FGF12: variants seen among roughly 807,000 people sequenced by gnomAD.
FGF12 encodes fibroblast growth factor 12B.
In FGF12, 14 loss-of-function variants were observed where a neutral mutation model predicts 23.6. The ratio of observed to expected loss-of-function variants is 0.59; its 90% CI spans 0.39 to 0.93. The LOEUF is 0.93. Ranked by LOEUF, FGF12 falls within the 40% of genes least tolerant of loss-of-function variation. The probability of loss-of-function intolerance (pLI) is 0.00; values close to 1 mark genes in which losing one functional copy is unlikely to be tolerated. For missense variants in FGF12, 175 were observed against 217.8 expected (o/e 0.80, Z 1.24); for synonymous variants, 62 against 77.3 (o/e 0.80, Z 1.04).
chr3:192,631,228 T>C (rs1174260312), intron 2 of FGF12, among the ~76,000 whole-genome samples: 1 of 152,168 alleles, frequency 6.6e-6, no homozygotes, highest in Non-Finnish European at 1.5e-5. Flanking sequence ...TCCCCTTTCA[T>C]AGAGAAGAGT....
At chr3:192,555,339 G>T (rs2108589235) in intron 2 of FGF12, among the ~76,000 whole-genome samples, 1 of 152,252 alleles carries the variant, frequency 6.6e-6, no homozygotes, top group South Asian at 2.1e-4. Context: ...AAGACTATCA[G>T]TTTAAAGCTA....
intron 4 of FGF12, among the ~76,000 whole-genome samples, chr3:192,256,267 G>A (rs2108612435): frequency 6.6e-6 from 1 of 151,870 alleles, no homozygotes; most frequent in South Asian, 2.1e-4. Flanking sequence ...TCAATAATCT[G>A]ACCAAGTATA....
intron 2 of FGF12, chr3:192,515,272 T>G (rs969269071): frequency 1.3e-5 from 2 of 151,792 alleles, no homozygotes; most frequent in Non-Finnish European, 2.9e-5. Flanking sequence ...CAAGGGCGAC[T>G]CCGGTGTGGG....
intron 2 of FGF12, among the ~76,000 whole-genome samples, chr3:192,483,127 C>T (rs747677619): frequency 2.0e-5 from 3 of 152,160 alleles, no homozygotes; most frequent in Non-Finnish European, 4.4e-5. Flanking sequence ...TTCTCAGCAC[C>T]CCTTATGTTA....
chr3:192,445,621 G>A (rs568864547), intron 2 of FGF12, among the ~76,000 whole-genome samples: 1 of 152,186 alleles, frequency 6.6e-6, no homozygotes, highest in African/African-American at 2.4e-5. Context: ...TCTTCACCTA[G>A]AAATTCTGAA....
At chr3:192,291,218 A>T (rs1200757536) in intron 4 of FGF12, among the ~76,000 whole-genome samples, 1 of 152,186 alleles carries the variant, frequency 6.6e-6, no homozygotes, top group African/African-American at 2.4e-5. Flanking sequence ...TTTATAAAAC[A>T]CTTTTCATTT....
chr3:192,400,469 A>G (rs1720715394), intron 2 of FGF12, among the ~76,000 whole-genome samples: 1 of 151,316 alleles, frequency 6.6e-6, no homozygotes, highest in South Asian at 2.1e-4. Flanking sequence ...CCCGGGTTCA[A>G]ATGATTCTCC....
intron 2 of FGF12, among the ~76,000 whole-genome samples, chr3:192,470,878 G>T (rs925820636): frequency 6.6e-6 from 1 of 152,072 alleles, no homozygotes; most frequent in Non-Finnish European, 1.5e-5. Flanking sequence ...TTGTGCTGCG[G>T]CTGACCCTTC....
At chr3:192,147,657 A>AT (rs58042604) in intron 5 of FGF12, among the ~76,000 whole-genome samples, 4,726 of 152,086 alleles carry the variant, frequency 0.031, 235 homozygotes, top group African/African-American at 0.11. Flanking sequence ...TATCACCCCC[A>AT]TTTTTTTTAA....
chr3:192,575,234 G>A (rs1712823187), intron 2 of FGF12, among the ~76,000 whole-genome samples: 1 of 152,170 alleles, frequency 6.6e-6, no homozygotes, highest in Non-Finnish European at 1.5e-5. Context: ...ATGAAACTCT[G>A]GGGATGCAAT....
In FGF12 at chr3:192,500,518, T is replaced by C. The variant is rs1017163389; in HGVS notation, c.14-139980A>G. Among the ~76,000 whole-genome samples, 3 of 152,226 alleles carry C rather than the reference T, an allele frequency of 2.0e-5. No homozygotes were observed. In the East Asian group the frequency reaches 5.8e-4, roughly 29 times the overall value. On this transcript the variant is annotated intron_variant, in intron 2 of 5. Coordinates refer to ENST00000445105, the MANE Select transcript of FGF12 (RefSeq NM_004113.6). ...CAAATTTCGCTCTATGCCAGTCCGC[T>C]GTGCAACAGCCTAATCTATCCTGTT... is the stretch of plus-strand genomic sequence containing the variant.
intron 5 of FGF12, among the ~76,000 whole-genome samples, chr3:192,167,680 T>C (rs1478206338): frequency 7.3e-6 from 1 of 136,238 alleles, no homozygotes; most frequent in Non-Finnish European, 1.5e-5. Context: ...AAGAGGAAAC[T>C]TGATTAACCA....
chr3:192,581,330 C>T (rs1713125720), intron 2 of FGF12, among the ~76,000 whole-genome samples: 1 of 151,706 alleles, frequency 6.6e-6, no homozygotes, highest in African/African-American at 2.4e-5. Context: ...CTTTGGGAGG[C>T]TGAGGCAGGA....
At chr3:192,477,333 GA>G (rs1294416862) in intron 2 of FGF12, among the ~76,000 whole-genome samples, 2 of 152,168 alleles carry the variant, frequency 1.3e-5, no homozygotes, top group Non-Finnish European at 2.9e-5. Flanking sequence ...ACATAGGGGA[GA>G]CCCCCAGGAA....
intron 4 of FGF12, among the ~76,000 whole-genome samples, chr3:192,193,352 C>T (rs1305638399): frequency 1.3e-5 from 2 of 152,114 alleles, no homozygotes; most frequent in African/African-American, 4.8e-5. Flanking sequence ...GATACTGCCA[C>T]GATCACCCCA....
intron 2 of FGF12, among the ~76,000 whole-genome samples, chr3:192,453,437 GC>G (rs777149401): frequency 3.3e-5 from 5 of 151,098 alleles, no homozygotes; most frequent in Non-Finnish European, 5.9e-5. Context: ...CATTAAGAAT[GC>G]CCCCCCCTTT....
intron 2 of FGF12, among the ~76,000 whole-genome samples, chr3:192,647,766 C>T (rs888033885): frequency 1.3e-5 from 2 of 149,680 alleles, no homozygotes; most frequent in East Asian, 2.0e-4. Context: ...TATATATACA[C>T]ACACTATATA....
chr3:192,444,336 T>C (rs780337478), intron 2 of FGF12, among the ~76,000 whole-genome samples: 6 of 152,198 alleles, frequency 3.9e-5, no homozygotes, highest in Non-Finnish European at 7.3e-5. Flanking sequence ...CTTCACACCT[T>C]CCAACATTTC....
chr3:192,592,632 T>A (rs1162295560), intron 2 of FGF12, among the ~76,000 whole-genome samples: 2 of 151,922 alleles, frequency 1.3e-5, no homozygotes, highest in Admixed American at 1.3e-4. Flanking sequence ...TCATGCAGGA[T>A]GCAGGATACT....
Sources: allele counts gnomAD v4.1 joint callset (sites outside exome capture counted in the v4.1 genomes callset), GRCh38; gene constraint gnomAD v4.1.1; transcripts MANE v1.5; gene names NCBI Gene and HGNC (gene_info 2026-07-23, HGNC 2026-07-21).